The following SLC16A14 variants were observed in gnomAD, a reference collection of about 807,000 sequenced individuals.
SLC16A14 encodes the protein monocarboxylate transporter 14.
A neutral mutation model predicts 35.8 loss-of-function variants in SLC16A14; 14 were observed. That is an observed-to-expected ratio of 0.39 (90% CI 0.26 to 0.61). SLC16A14 has a LOEUF of 0.61. SLC16A14 is among the 20% of genes least tolerant of loss of function. The pLI is 0.51. For synonymous variants in SLC16A14, 248 were observed against 258.9 expected (o/e 0.96, Z 0.40); for missense variants, 533 against 655.0 (o/e 0.81, Z 2.03).
intron 3 of SLC16A14, among the ~76,000 whole-genome samples, chr2:230,047,354 C>A (rs993238165): frequency 6.8e-6 from 1 of 146,842 alleles, no homozygotes; most frequent in African/African-American, 2.5e-5. Context: ...CTCTGTTGCC[C>A]AGGCTGGAAT....
At chr2:230,060,678 G>GT (rs201226161) in intron 1 of SLC16A14, among the ~76,000 whole-genome samples, 18 of 150,394 alleles carry the variant, frequency 1.2e-4, no homozygotes, top group Non-Finnish European at 2.4e-4. Context: ...ATTTTTCATG[G>GT]TTTTTTTTGG....
At chr2:230,053,817 C>T (rs2077681738) in intron 2 of SLC16A14, among the ~76,000 whole-genome samples, 1 of 152,080 alleles carries the variant, frequency 6.6e-6, no homozygotes, top group Non-Finnish European at 1.5e-5. Context: ...GGAACACCCT[C>T]AGGAAGTTAT....
chr2:230,041,074 A>G (rs889592991), intron 4 of SLC16A14, among the ~76,000 whole-genome samples: 4 of 152,204 alleles, frequency 2.6e-5, no homozygotes, highest in African/African-American at 4.8e-5. Flanking sequence ...ACAGCTTCAA[A>G]GTAAAATCTG....
chr2:230,063,201 T>C (rs917367564), intron 1 of SLC16A14, among the ~76,000 whole-genome samples: 1 of 149,062 alleles, frequency 6.7e-6, no homozygotes, highest in African/African-American at 2.5e-5. Flanking sequence ...GTAGGAGAAT[T>C]GTTTGAAGCT....
At chr2:230,047,307 CTTT>C (rs56262602) in intron 3 of SLC16A14, among the ~76,000 whole-genome samples, 20,142 of 110,508 alleles carry the variant, frequency 0.18, 1,404 homozygotes, top group East Asian at 0.46. Flanking sequence ...TATCTGACTT[CTTT>C]TTTTTTTTTT....
chr2:230,059,182 G>C lies in SLC16A14; in HGVS notation c.171C>G (p.Leu57=). Residue 57 remains leucine (L), a synonymous_variant, in exon 2 of 5, where the codon CTC becomes CTG. Coordinates refer to ENST00000295190, the MANE Select transcript of SLC16A14 (RefSeq NM_152527.5). ...IMGSQMALGV[L]NVEWLEEFHQ... is the part of the protein sequence containing the mutation. ...GGAATTCTTCCAGCCATTCCACGTT[G>C]AGGACACCCAGGGCCATCTGGGAGC... The C allele has an allele frequency of 6.2e-7, 1 of 1,614,140 alleles. No individual in the cohort carries two copies. Among genetic ancestry groups the C allele is most frequent in the South Asian group, 1.1e-5 (1 of 91,064 alleles).
At chr2:230,047,993 T>C (rs2077623423) in intron 3 of SLC16A14, among the ~76,000 whole-genome samples, 1 of 152,234 alleles carries the variant, frequency 6.6e-6, no homozygotes, top group Non-Finnish European at 1.5e-5. Context: ...TGTGTATAGA[T>C]ATATATTACA....
Position 230,049,832 on chromosome 2 carries a change from G to A in SLC16A14, c.332C>T (p.Ser111Phe), listed in dbSNP as rs942047407. ...ATAGGCACTCAACACCCAGCCCAGG[G>A]AGTTGACGAGCCCTCCAATGATCGC... The part of the protein sequence containing the change: ...QTAIIGGLVN[S>F]LGWVLSAYAA... The change falls in exon 3 of 5, where the codon TCC becomes TTC. Residue 111 changes from serine (S) to phenylalanine (F), a missense_variant. Ser to Phe is a radical substitution (Grantham distance 155). Transcript: ENST00000295190. 6.2e-7 allele frequency: 1 copy of A among 1,614,174 alleles called. No homozygotes were observed. Among genetic ancestry groups the A allele is most frequent in the Non-Finnish European group, 8.5e-7 (1 of 1,180,028 alleles).
chr2:230,045,568 AAAAG>A (rs1399168310), intron 4 of SLC16A14, 173 bp downstream of exon 4: 5 of 761,926 alleles, frequency 6.6e-6, no homozygotes, highest in Non-Finnish European at 8.5e-6. Context: ...TTGAAAAAAA[AAAAG>A]AAAGAATAGG....
rs2077522565 is a variant in SLC16A14 at position 230,036,792 on chromosome 2, T to C, written c.*588A>G. 1 of 152,238 alleles carries C rather than the reference T, an allele frequency of 6.6e-6. No individual in the cohort carries two copies. The highest frequency in any genetic ancestry group is 1.9e-4 in the East Asian group (1 of 5,200). 9.4% of individuals were successfully genotyped at this position (152,238 alleles called of 1,614,324 possible). A position where few individuals can be genotyped will look rare whatever the true frequency, so the allele number is the denominator to read the frequency against. On this transcript the variant is annotated 3_prime_UTR_variant, in exon 5 of 5. Coordinates refer to ENST00000295190, the MANE Select transcript of SLC16A14 (RefSeq NM_152527.5). The stretch of plus-strand genomic sequence containing the variant: ...AGGAGGATTTAGGAGTCACAATCCC[T>C]AGCTGCAGAATTCCCTCATAAAAAT...
At chr2:230,060,718 T>G (rs1467609065) in intron 1 of SLC16A14, among the ~76,000 whole-genome samples, 1 of 151,718 alleles carries the variant, frequency 6.6e-6, no homozygotes, top group African/African-American at 2.4e-5. Flanking sequence ...AGTGTGTGTA[T>G]AAAGACTGAG....
intron 2 of SLC16A14, among the ~76,000 whole-genome samples, chr2:230,050,402 T>C (rs149706304): frequency 2.2e-4 from 34 of 152,334 alleles, no homozygotes; most frequent in African/African-American, 7.9e-4. Flanking sequence ...TCCTTCCCTC[T>C]GGTCTTAAAC....
chr2:230,061,031 T>C (rs2077748397), intron 1 of SLC16A14, among the ~76,000 whole-genome samples: 1 of 152,184 alleles, frequency 6.6e-6, no homozygotes. Context: ...GTGGAAATGA[T>C]TGCTGGGCAG....
chr2:230,059,761 A>G (rs2077736570), intron 1 of SLC16A14, among the ~76,000 whole-genome samples: 1 of 152,232 alleles, frequency 6.6e-6, no homozygotes, highest in African/African-American at 2.4e-5. Flanking sequence ...GAAAGATGTC[A>G]AAGAAGGAAG....
chr2:230,051,045 G>T (rs185247378), intron 2 of SLC16A14, among the ~76,000 whole-genome samples: 5 of 152,320 alleles, frequency 3.3e-5, no homozygotes, highest in Admixed American at 2.0e-4. Flanking sequence ...ATCAGGCTAT[G>T]GAGATTCGGG....
Position 230,049,653 on chromosome 2 carries a change from AAACAG to A in SLC16A14, c.403+103_403+107del, listed in dbSNP as rs2077641189. Reference sequence around the variant, plus strand: ...GGGTTGGGGTGAAGTGGGGGGGAGGAAACAGAACAGAATGTTTTAATGTGTCTCTT... The same window carrying A: ...GGGTTGGGGTGAAGTGGGGGGGAGGAAACAGAATGTTTTAATGTGTCTCTT... On this transcript the variant is annotated intron_variant, in intron 3 of 4. Transcript: ENST00000295190. 5.0e-6 allele frequency: 6 copies of A among 1,201,622 alleles called. No individual in the cohort carries two copies. In the East Asian group the frequency reaches 1.3e-4, roughly 26 times the overall value. 74.4% of individuals were successfully genotyped at this position (1,201,622 alleles called of 1,614,324 possible).
intron 1 of SLC16A14, chr2:230,066,517 T>A (rs1457064090): frequency 5.6e-6 from 2 of 356,796 alleles, no homozygotes; most frequent in Non-Finnish European, 1.1e-5. Context: ...TGAAACTGGG[T>A]CAGCTACATA....
chr2:230,056,399 C>T (rs1360785306), intron 2 of SLC16A14, among the ~76,000 whole-genome samples: 2 of 151,950 alleles, frequency 1.3e-5, no homozygotes, highest in Admixed American at 6.6e-5. Context: ...GGACTACAGG[C>T]GTTTGCCACC....
At position 230,046,389 on chromosome 2, in the gene SLC16A14, G is replaced by A. The variant is rs111627569; in HGVS notation, c.737C>T (p.Thr246Ile). 3.7e-6 allele frequency: 6 copies of A among 1,614,218 alleles called. No homozygotes were observed. The highest frequency in any genetic ancestry group is 1.3e-5 in the African/African-American group (1 of 75,068). Residue 246 changes from threonine (T) to isoleucine (I), a missense_variant, in exon 4 of 5, where the codon ACA becomes ATA. Transcript: ENST00000295190. The surrounding 1 kb of genome is among the most constrained non-coding windows in gnomAD (Gnocchi z 5.0). ...SVKSTGQQGR[T>I]EEKDGGLGNE... Reference sequence around the variant, plus strand: ...CCCGAGCCCACCATCCTTCTCTTCTGTTCTTCCCTGCTGTCCAGTTGACTT... The same window carrying A: ...CCCGAGCCCACCATCCTTCTCTTCTATTCTTCCCTGCTGTCCAGTTGACTT...
Sources: allele counts gnomAD v4.1 joint callset (sites outside exome capture counted in the v4.1 genomes callset), GRCh38; gene constraint gnomAD v4.1.1; non-coding constraint Gnocchi (gnomAD v3.1); transcripts MANE v1.5; gene names NCBI Gene and HGNC (gene_info 2026-07-23, HGNC 2026-07-21).